SFXN1: variants seen among roughly 807,000 people sequenced by gnomAD.
The protein encoded by SFXN1 is sideroflexin-1.
Under a neutral mutation model 39.5 loss-of-function variants are expected in SFXN1, and 32 were observed. That is an observed-to-expected ratio of 0.81 (90% CI 0.61 to 1.09). The LOEUF (loss-of-function observed/expected upper bound fraction) is 1.09. Among genes scored for constraint, SFXN1 ranks in the 50% least tolerant of loss-of-function variants. The pLI, the probability that SFXN1 is intolerant of heterozygous loss-of-function variation, is 0.00. For synonymous variants in SFXN1, 136 were observed against 146.5 expected, an observed-to-expected ratio of 0.93 and a Z score of 0.52; for missense variants, 402 against 407.1, an observed-to-expected ratio of 0.99 and a Z score of 0.11.
intron 8 of SFXN1, among the ~76,000 whole-genome samples, chr5:175,521,182 A>C (rs1760868138): frequency 6.7e-6 from 1 of 149,860 alleles, no homozygotes; most frequent in African/African-American, 2.5e-5. Flanking sequence ...TTTAAGTACC[A>C]CTCCTTTTTT....
intron 2 of SFXN1, among the ~76,000 whole-genome samples, chr5:175,508,651 T>G (rs1194354957): frequency 6.6e-6 from 1 of 152,052 alleles, no homozygotes; most frequent in Admixed American, 6.6e-5. Flanking sequence ...ATAAATTTTT[T>G]TTTTTGAGAC....
At position 175,529,319 on chromosome 5, in the gene SFXN1, CA is replaced by C. The variant is rs1761177623; in HGVS notation, c.*2587del. On this transcript the variant is annotated 3_prime_UTR_variant, in exon 11 of 11. Transcript: ENST00000321442. ...CACCATTGCACTCCAGCCTGGGCAA[CA>C]AGAGCGAAACTCCATCTCAAAAAAA... 6.8e-6 allele frequency: 1 copy of C among 146,108 alleles called. No individual in the cohort carries two copies. Among genetic ancestry groups the C allele is most frequent in the African/African-American group, 2.6e-5 (1 of 39,116 alleles). 9.1% of individuals were successfully genotyped at this position (146,108 alleles called of 1,614,324 possible).
chr5:175,492,043 A>G, intron 1 of SFXN1, 52 bp from the exon 2 acceptor site: 2 of 1,396,812 alleles, frequency 1.4e-6, no homozygotes, highest in Non-Finnish European at 1.9e-6. Context: ...GTTTCTAAAT[A>G]CGTAGTGACA....
At position 175,485,708 on chromosome 5, in the gene SFXN1, T is replaced by A. The variant is rs550532989; in HGVS notation, c.-9-6387T>A. ...AGCTTCTGGGGATTAGAATGAGACA[T>A]CTTTGGCAGCCATTGTTCTCCCCAT... On this transcript the variant is annotated intron_variant, in intron 1 of 10. Transcript: ENST00000321442. 5.8e-4 allele frequency among the ~76,000 whole-genome samples: 89 copies of A among 152,336 alleles called. 1 individual carries two copies. Among genetic ancestry groups the A allele is most frequent in the African/African-American group, 2.0e-3 (82 of 41,584 alleles).
At position 175,529,089 on chromosome 5, in the gene SFXN1, C is replaced by T. The variant is rs1159084796; in HGVS notation, c.*2355C>T. 1.3e-5 allele frequency: 2 copies of T among 152,276 alleles called. No homozygotes were observed. Among genetic ancestry groups the T allele is most frequent in the Non-Finnish European group, 2.9e-5 (2 of 68,116 alleles). The allele number at this position is 152,276 out of a possible 1,614,324, so 9.4% of individuals were successfully genotyped here. ...CGGTGGCTCACCCCTGTAATCCCAGCACTTTGGGAGGCCGAGGCGGGTGGA... is the reference window on the plus strand; with the variant it reads ...CGGTGGCTCACCCCTGTAATCCCAGTACTTTGGGAGGCCGAGGCGGGTGGA... On this transcript the variant is annotated 3_prime_UTR_variant, in exon 11 of 11. Transcript: ENST00000321442.
At chr5:175,500,555 T>C (rs908018782) in intron 2 of SFXN1, among the ~76,000 whole-genome samples, 9 of 152,090 alleles carry the variant, frequency 5.9e-5, no homozygotes, top group Non-Finnish European at 1.0e-4. Flanking sequence ...TGTCATCTCT[T>C]CCCAAATTGT....
intron 2 of SFXN1, among the ~76,000 whole-genome samples, chr5:175,493,450 G>C (rs1759739092): frequency 6.6e-6 from 1 of 152,158 alleles, no homozygotes; most frequent in African/African-American, 2.4e-5. Flanking sequence ...TAGGTAGAGA[G>C]AGAACCGACG....
intron 7 of SFXN1, among the ~76,000 whole-genome samples, chr5:175,514,398 C>A (rs1465147599): frequency 6.6e-6 from 1 of 152,108 alleles, no homozygotes; most frequent in Non-Finnish European, 1.5e-5. Flanking sequence ...ATCTCTAGTC[C>A]ACCCTAAGGC....
In SFXN1 at chr5:175,492,197, A is replaced by G. The variant is rs1381930894; in HGVS notation, c.94A>G (p.Thr32Ala). Residue 32 changes from threonine (T) to alanine (A), a missense_variant, in exon 2 of 11, where the codon ACT becomes GCT. By Grantham distance (58) the Thr-to-Ala change is moderately conservative. Transcript: ENST00000321442. The part of the protein sequence containing the change: ...IGRANHFFTV[T>A]DPRNILLTNE... ...ACGAGCCAATCATTTCTTCACTGTAACTGACCCCAGGAACATTCTGTTAAC... is the reference window on the plus strand; with the variant it reads ...ACGAGCCAATCATTTCTTCACTGTAGCTGACCCCAGGAACATTCTGTTAAC... 1.2e-6 allele frequency: 2 copies of G among 1,614,020 alleles called. No individual in the cohort carries two copies. The highest frequency in any genetic ancestry group is 1.7e-6 in the Non-Finnish European group (2 of 1,180,030).
chr5:175,506,382 A>T (rs1224706469), intron 2 of SFXN1, among the ~76,000 whole-genome samples: 1 of 152,214 alleles, frequency 6.6e-6, no homozygotes, highest in Non-Finnish European at 1.5e-5. Flanking sequence ...TGTGGATGGT[A>T]ATTTTTTAAA....
intron 2 of SFXN1, among the ~76,000 whole-genome samples, chr5:175,505,573 T>TAA (rs1561665361): frequency 2.0e-5 from 3 of 149,400 alleles, no homozygotes; most frequent in Admixed American, 1.3e-4. Context: ...ATAATAATAA[T>TAA]TCTAAGGTTT....
At chr5:175,513,942 G>C (rs1760627568) in intron 7 of SFXN1, among the ~76,000 whole-genome samples, 1 of 151,982 alleles carries the variant, frequency 6.6e-6, no homozygotes, top group African/African-American at 2.4e-5. Context: ...CTGGGGCACA[G>C]TGGGAGGGGT....
chr5:175,499,053 G>A (rs1030109232), intron 2 of SFXN1, among the ~76,000 whole-genome samples: 12 of 152,048 alleles, frequency 7.9e-5, no homozygotes, highest in Non-Finnish European at 1.5e-4. Flanking sequence ...CCAGGAGTTC[G>A]AGACCATCCT....
intron 2 of SFXN1, among the ~76,000 whole-genome samples, chr5:175,501,063 AT>A (rs531862744): frequency 0.021 from 2,476 of 116,066 alleles, 9 homozygotes; most frequent in Non-Finnish European, 0.03. Context: ...ATGGGCAAAG[AT>A]TTTTTTTTTT....
intron 2 of SFXN1, among the ~76,000 whole-genome samples, chr5:175,506,230 A>G (rs186747427): frequency 6.6e-6 from 1 of 152,262 alleles, no homozygotes; most frequent in African/African-American, 2.4e-5. Flanking sequence ...TAATCTTTCT[A>G]GATAGAAACT....
intron 1 of SFXN1, among the ~76,000 whole-genome samples, chr5:175,483,427 T>C (rs1334753960): frequency 6.6e-6 from 1 of 152,170 alleles, no homozygotes; most frequent in Non-Finnish European, 1.5e-5. Flanking sequence ...AAATCATTCA[T>C]GAAAAAGATT....
chr5:175,485,439 C>A (rs1244847499), intron 1 of SFXN1, among the ~76,000 whole-genome samples: 10 of 152,194 alleles, frequency 6.6e-5, no homozygotes, highest in Admixed American at 6.5e-5. Context: ...TCACTCCAAC[C>A]TCTGCTTGTT....
intron 7 of SFXN1, among the ~76,000 whole-genome samples, chr5:175,514,148 G>A (rs769472781): frequency 7.9e-5 from 12 of 152,116 alleles, no homozygotes; most frequent in Non-Finnish European, 1.2e-4. Flanking sequence ...AGGAGAATGA[G>A]AATATTCAGT....
At chr5:175,499,865 A>G (rs1388910542) in intron 2 of SFXN1, among the ~76,000 whole-genome samples, 1 of 152,240 alleles carries the variant, frequency 6.6e-6, no homozygotes, top group Non-Finnish European at 1.5e-5. Flanking sequence ...AACTTTCCTT[A>G]TTCACAGAAA....
Sources: gnomAD v4.1 joint callset for allele counts (sites outside exome capture counted in the v4.1 genomes callset) on GRCh38, gnomAD v4.1.1 for gene constraint, MANE v1.5 for transcripts, NCBI Gene and HGNC (gene_info 2026-07-23, HGNC 2026-07-21) for gene names.